The following PGM5 variants were observed in gnomAD, a reference collection of about 807,000 sequenced individuals.
PGM5 encodes the protein phosphoglucomutase-like protein 5.
Under a neutral mutation model 59.2 loss-of-function variants are expected in PGM5, and 23 were observed. The observed-to-expected ratio is 0.39, with a 90% CI of 0.28 to 0.55. The LOEUF (loss-of-function observed/expected upper bound fraction) is 0.55. Among genes scored for constraint, PGM5 ranks in the 20% least tolerant of loss-of-function variants. The pLI is 0.66. For missense variants in PGM5, 574 were observed against 748.3 expected, an observed-to-expected ratio of 0.77 and a Z score of 2.72; for synonymous variants, 214 against 286.0, an observed-to-expected ratio of 0.75 and a Z score of 2.54.
At chr9:68,423,100 A>T (rs1192229621) in intron 6 of PGM5, among the ~76,000 whole-genome samples, 2 of 152,168 alleles carry the variant, frequency 1.3e-5, no homozygotes, top group Non-Finnish European at 2.9e-5. Context: ...TATATATACC[A>T]CAGTTTCTTT....
chr9:68,385,537 G>A (rs187236408), intron 3 of PGM5, among the ~76,000 whole-genome samples: 69 of 152,198 alleles, frequency 4.5e-4, no homozygotes, highest in Non-Finnish European at 8.1e-4. Flanking sequence ...GTAATGAGCA[G>A]AAATTTACAG....
rs1285499023 is a variant in PGM5, at chr9:68,356,644, G to C, written c.-484G>C. On this transcript the variant is annotated 5_prime_UTR_variant, in exon 1 of 11. Coordinates refer to ENST00000396396, the MANE Select transcript of PGM5 (RefSeq NM_021965.4). ...AGGGAGACAGGGAGACGGGCCGGGC[G>C]CCGGAGAGGAACCCGGACTCTGCCC... 6.6e-6 allele frequency among the ~76,000 whole-genome samples: 1 copy of C among 152,300 alleles called. No homozygotes were observed. The highest frequency in any genetic ancestry group is 1.9e-4 in the East Asian group (1 of 5,208).
intron 9 of PGM5, chr9:68,498,954 C>T (rs1261016742): frequency 2.2e-5 from 8 of 369,710 alleles, no homozygotes; most frequent in South Asian, 4.3e-5. Context: ...CCCATATCAC[C>T]AGCCCAAGAG....
At chr9:68,483,222 A>C (rs1824227355) in intron 8 of PGM5, among the ~76,000 whole-genome samples, 1 of 152,254 alleles carries the variant, frequency 6.6e-6, no homozygotes, top group African/African-American at 2.4e-5. Context: ...TAGGTAAACA[A>C]ATATACAAAC....
chr9:68,411,698 A>G (rs1587799747), intron 6 of PGM5, among the ~76,000 whole-genome samples: 4 of 152,232 alleles, frequency 2.6e-5, no homozygotes, highest in South Asian at 2.1e-4. Flanking sequence ...AAAACATTTT[A>G]TGATTTAGTG....
chr9:68,375,523 C>G (rs1396628534), intron 1 of PGM5, among the ~76,000 whole-genome samples: 18 of 152,220 alleles, frequency 1.2e-4, no homozygotes, highest in South Asian at 8.3e-4. Flanking sequence ...CTCTTGCCCC[C>G]CTTCAAGGTA....
At chr9:68,483,141 T>C (rs1824225856) in intron 8 of PGM5, among the ~76,000 whole-genome samples, 1 of 152,174 alleles carries the variant, frequency 6.6e-6, no homozygotes, top group Admixed American at 6.5e-5. Context: ...GAACTTACTA[T>C]GTACTAGAAA....
At chr9:68,519,663 A>AG (rs1824870094) in intron 10 of PGM5, among the ~76,000 whole-genome samples, 2 of 146,094 alleles carry the variant, frequency 1.4e-5, no homozygotes, top group African/African-American at 2.5e-5. Flanking sequence ...AAAAAAAATT[A>AG]AAAAAAAAAA....
intron 6 of PGM5, among the ~76,000 whole-genome samples, chr9:68,460,808 A>G (rs889941418): frequency 6.6e-6 from 1 of 152,208 alleles, no homozygotes; most frequent in African/African-American, 2.4e-5. Flanking sequence ...TGAAGGAGCC[A>G]TGAAGACATA....
chr9:68,461,454 G>A (rs1487081704), intron 6 of PGM5, among the ~76,000 whole-genome samples: 2 of 152,118 alleles, frequency 1.3e-5, no homozygotes, highest in Admixed American at 1.3e-4. Flanking sequence ...TTTTGTTATG[G>A]TCTGGATGTT....
At chr9:68,376,475 CTG>C (rs71353047) in intron 1 of PGM5, among the ~76,000 whole-genome samples, 31,373 of 129,220 alleles carry the variant, frequency 0.24, 3,809 homozygotes, top group East Asian at 0.38. Context: ...TGCTTTTGAG[CTG>C]TGTGTGTGTG....
intron 10 of PGM5, among the ~76,000 whole-genome samples, chr9:68,520,301 C>G (rs1192712255): frequency 6.6e-6 from 1 of 151,090 alleles, no homozygotes; most frequent in Non-Finnish European, 1.5e-5. Context: ...AGTTAAATCC[C>G]CCAGGAAGAC....
intron 7 of PGM5, among the ~76,000 whole-genome samples, chr9:68,467,576 AT>A (rs1211245957): frequency 2.6e-5 from 4 of 152,076 alleles, no homozygotes; most frequent in African/African-American, 9.7e-5. Flanking sequence ...CTCTATCCTC[AT>A]TTTCCCCCTC....
intron 6 of PGM5, among the ~76,000 whole-genome samples, chr9:68,454,851 A>G (rs1021270123): frequency 1.3e-5 from 2 of 152,208 alleles, no homozygotes; most frequent in Non-Finnish European, 2.9e-5. Flanking sequence ...ACAAAAGAAC[A>G]TTGACCTTTC....
In PGM5 at chr9:68,411,468, ATGTG is replaced by A. The variant is rs35318797; in HGVS notation, c.1043+19013_1043+19016del. Among the ~76,000 whole-genome samples, 78 of 144,714 alleles carry A rather than the reference ATGTG, an allele frequency of 5.4e-4. 1 individual carries two copies. Among genetic ancestry groups the A allele is most frequent in the East Asian group, 1.0e-3 (5 of 4,940 alleles). The allele number at this position is 144,714 out of a possible 152,430, so 94.9% of individuals were successfully genotyped here. On this transcript the variant is annotated intron_variant, in intron 6 of 10. Coordinates refer to ENST00000396396, the MANE Select transcript of PGM5 (RefSeq NM_021965.4). ...ATGTAGTGTGTGTATTAAATATATA[ATGTG>A]TGTGTGTGTGTGTGTGTATATATAT...
intron 1 of PGM5, among the ~76,000 whole-genome samples, chr9:68,359,510 T>C (rs1834536264): frequency 6.6e-6 from 1 of 152,178 alleles, no homozygotes; most frequent in Admixed American, 6.5e-5. Flanking sequence ...GTGAAGTGAA[T>C]AGCCATAAGG....
At chr9:68,423,206 G>A (rs1976232) in intron 6 of PGM5, among the ~76,000 whole-genome samples, 72,810 of 151,672 alleles carry the variant, frequency 0.48, 18,190 homozygotes, top group South Asian at 0.56. Flanking sequence ...TATCTTTTTC[G>A]TATAATGACT....
chr9:68,400,291 C>T lies in PGM5; in HGVS notation c.1043+7818C>T, dbSNP rs145907854. Among the ~76,000 whole-genome samples the T allele has an allele frequency of 1.8e-3, 277 of 152,234 alleles. 2 individuals are homozygous for T. Among genetic ancestry groups the T allele is most frequent in the African/African-American group, 6.3e-3 (263 of 41,540 alleles). On this transcript the variant is annotated intron_variant, in intron 6 of 10. Transcript: ENST00000396396. Reference sequence around the variant, plus strand: ...CTGATTATAGAACACGCATAATCTCCTGATTATGAACACTTCACTCCTGCA... The same window carrying T: ...CTGATTATAGAACACGCATAATCTCTTGATTATGAACACTTCACTCCTGCA...
chr9:68,475,733 G>A (rs1331747787), intron 7 of PGM5, among the ~76,000 whole-genome samples: 1 of 152,178 alleles, frequency 6.6e-6, no homozygotes, highest in East Asian at 1.9e-4. Context: ...ATGGTTTTCT[G>A]TGTTACTAAA....
Sources: allele counts gnomAD v4.1 joint callset (sites outside exome capture counted in the v4.1 genomes callset), GRCh38; gene constraint gnomAD v4.1.1; transcripts MANE v1.5; gene names NCBI Gene and HGNC (gene_info 2026-07-23, HGNC 2026-07-21).